Variants in RIMS2 observed in about 807,000 individuals in gnomAD.
RIMS2 encodes regulating synaptic membrane exocytosis 2.
RIMS2 carries 59 observed loss-of-function variants against 174.4 expected under a neutral mutation model. The observed-to-expected ratio is 0.34, with a 90% confidence interval of 0.27 to 0.42. The LOEUF is 0.42. Among genes scored for constraint, RIMS2 ranks in the 10% least tolerant of loss-of-function variants. The pLI, the probability that RIMS2 is intolerant of heterozygous loss-of-function variation, is 1.00. For synonymous variants in RIMS2, 606 were observed against 572.5 expected (o/e 1.06, Z -0.84); for missense variants, 1,620 against 1,666.3 (o/e 0.97, Z 0.48).
At chr8:104,025,290 G>C (rs2096226257) in intron 19 of RIMS2, among the ~76,000 whole-genome samples, 1 of 152,012 alleles carries the variant, frequency 6.6e-6, no homozygotes, top group Non-Finnish European at 1.5e-5. Flanking sequence ...GACCAGCCTG[G>C]ACAACCTAAT....
At chr8:103,724,419 A>C (rs557902644) in intron 2 of RIMS2, among the ~76,000 whole-genome samples, 62 of 152,300 alleles carry the variant, frequency 4.1e-4, no homozygotes, top group African/African-American at 1.3e-3. Context: ...ATAATTCTTT[A>C]TCACATATGC....
chr8:104,221,289 T>G (rs1352850278), intron 19 of RIMS2, among the ~76,000 whole-genome samples: 1 of 152,186 alleles, frequency 6.6e-6, no homozygotes, highest in Non-Finnish European at 1.5e-5. Context: ...CATAAAACAA[T>G]AGTGCAATTG....
At chr8:103,995,392 G>A (rs1288801526) in intron 17 of RIMS2, among the ~76,000 whole-genome samples, 1 of 151,992 alleles carries the variant, frequency 6.6e-6, no homozygotes, top group Non-Finnish European at 1.5e-5. Flanking sequence ...TTACTTGATT[G>A]GGTGAACTGG....
intron 19 of RIMS2, among the ~76,000 whole-genome samples, chr8:104,078,377 A>G (rs984536623): frequency 6.6e-6 from 1 of 152,140 alleles, no homozygotes; most frequent in African/African-American, 2.4e-5. Flanking sequence ...GGAGGCTAGA[A>G]CTTTAAGGTG....
chr8:103,767,652 T>C (rs2098191936), intron 3 of RIMS2, among the ~76,000 whole-genome samples: 1 of 152,180 alleles, frequency 6.6e-6, no homozygotes. Flanking sequence ...GGTAGGTTCT[T>C]GGGTATCAGT....
chr8:103,689,915 A>ATTGT (rs1320371530), intron 1 of RIMS2, among the ~76,000 whole-genome samples: 4 of 8,336 alleles, frequency 4.8e-4, no homozygotes, highest in African/African-American at 1.8e-3. Flanking sequence ...TTTTTGTTTG[A>ATTGT]TTGTTTGTTT....
intron 1 of RIMS2, among the ~76,000 whole-genome samples, chr8:103,608,700 G>A (rs541379375): frequency 1.4e-4 from 22 of 152,194 alleles, no homozygotes; most frequent in African/African-American, 2.7e-4. Context: ...ATGGTGCGCC[G>A]TTTTTTAAGC....
intron 3 of RIMS2, among the ~76,000 whole-genome samples, chr8:103,847,197 A>C (rs150317761): frequency 1.3e-5 from 2 of 152,104 alleles, no homozygotes; most frequent in African/African-American, 4.8e-5. Flanking sequence ...AGATTTCCCA[A>C]GTGGATAACT....
At chr8:104,104,435 G>A (rs1382439621) in intron 19 of RIMS2, among the ~76,000 whole-genome samples, 1 of 152,164 alleles carries the variant, frequency 6.6e-6, no homozygotes, top group Non-Finnish European at 1.5e-5. Context: ...GGGGTTGTTG[G>A]AAAAATAGCA....
intron 19 of RIMS2, among the ~76,000 whole-genome samples, chr8:104,160,276 G>C (rs1472137831): frequency 6.6e-6 from 1 of 152,154 alleles, no homozygotes; most frequent in East Asian, 1.9e-4. Flanking sequence ...TGGTACCTAA[G>C]ATAATAGTTG....
intron 19 of RIMS2, among the ~76,000 whole-genome samples, chr8:104,080,282 T>G (rs2097390521): frequency 6.6e-6 from 1 of 152,066 alleles, no homozygotes; most frequent in African/African-American, 2.4e-5. Context: ...CCACTATGAA[T>G]TAACATTTGG....
intron 19 of RIMS2, among the ~76,000 whole-genome samples, chr8:104,221,417 T>G (rs1192086803): frequency 1.3e-5 from 2 of 152,200 alleles, no homozygotes; most frequent in African/African-American, 4.8e-5. Flanking sequence ...AAAAATTAGG[T>G]GACTTTTAAT....
intron 1 of RIMS2, among the ~76,000 whole-genome samples, chr8:103,686,187 G>A (rs2096938279): frequency 6.6e-6 from 1 of 151,854 alleles, no homozygotes; most frequent in African/African-American, 2.4e-5. Context: ...TGTATCCTGT[G>A]ACCTTGCTAA....
At chr8:103,614,852 T>C (rs1448963156) in intron 1 of RIMS2, among the ~76,000 whole-genome samples, 1 of 152,214 alleles carries the variant, frequency 6.6e-6, no homozygotes, top group Non-Finnish European at 1.5e-5. Context: ...GGGACAGTGC[T>C]GTTGAGGACA....
intron 3 of RIMS2, among the ~76,000 whole-genome samples, chr8:103,785,879 G>A (rs1480640551): frequency 2.0e-5 from 3 of 152,100 alleles, no homozygotes; most frequent in East Asian, 3.8e-4. Context: ...GGTAGAATTC[G>A]GCTGTGAATC....
At chr8:103,654,708 T>G (rs1254208471) in intron 1 of RIMS2, among the ~76,000 whole-genome samples, 3 of 151,950 alleles carry the variant, frequency 2.0e-5, no homozygotes, top group Non-Finnish European at 2.9e-5. Flanking sequence ...TGGCTTATCT[T>G]ATTTCTTTCT....
intron 1 of RIMS2, among the ~76,000 whole-genome samples, chr8:103,609,034 TTAA>T (rs2095268084): frequency 6.6e-6 from 1 of 152,200 alleles, no homozygotes. Context: ...TTTTGACTTT[TTAA>T]TAATATCTAT....
chr8:103,510,042 C>T (rs980257567), intron 1 of RIMS2, among the ~76,000 whole-genome samples: 2 of 152,058 alleles, frequency 1.3e-5, no homozygotes, highest in African/African-American at 4.8e-5. Flanking sequence ...GATAAATGCT[C>T]CTTTAAGGCA....
chr8:103,613,856 G>A (rs1281011568), intron 1 of RIMS2, among the ~76,000 whole-genome samples: 1 of 152,158 alleles, frequency 6.6e-6, no homozygotes, highest in Non-Finnish European at 1.5e-5. Flanking sequence ...TCAGGAATGG[G>A]GGCCTCATGA....
Sources: gnomAD v4.1 joint callset for allele counts (sites outside exome capture counted in the v4.1 genomes callset) on GRCh38, gnomAD v4.1.1 for gene constraint, MANE v1.5 for transcripts, NCBI Gene and HGNC (gene_info 2026-07-23, HGNC 2026-07-21) for gene names.